NR3C1: variants seen among roughly 807,000 people sequenced by gnomAD.
NR3C1 encodes the protein glucocorticoid receptor.
In NR3C1, 14 loss-of-function variants were observed where a neutral mutation model predicts 74.0. The ratio of observed to expected loss-of-function variants is 0.19; its 90% CI spans 0.12 to 0.30. NR3C1 has a LOEUF of 0.30. NR3C1 is among the 10% of genes least tolerant of loss of function. The probability of loss-of-function intolerance (pLI) is 1.00; values close to 1 mark genes in which losing one functional copy is unlikely to be tolerated. For synonymous variants in NR3C1, 308 were observed against 332.5 expected (o/e 0.93, Z 0.80); for missense variants, 695 against 909.8 (o/e 0.76, Z 3.04).
chr5:143,307,637 A>G (rs921492214), intron 4 of NR3C1, among the ~76,000 whole-genome samples: 3 of 152,242 alleles, frequency 2.0e-5, no homozygotes, highest in Non-Finnish European at 4.4e-5. Context: ...GCTTCATTCA[A>G]AACCTATTTC....
At chr5:143,402,885 G>A in intron 1 of NR3C1, 2 of 964,044 alleles carry the variant, frequency 2.1e-6, no homozygotes, top group South Asian at 4.8e-5. Context: ...GGACACTAGG[G>A]GGAGAAAAGA....
intron 7 of NR3C1, among the ~76,000 whole-genome samples, chr5:143,284,252 G>T (rs908815734): frequency 6.6e-5 from 10 of 152,002 alleles, no homozygotes; most frequent in Non-Finnish European, 1.2e-4. Context: ...CAGCCGAGTA[G>T]TCTTATTTCT....
At chr5:143,421,984 A>G (rs1751256682) in intron 1 of NR3C1, among the ~76,000 whole-genome samples, 1 of 152,184 alleles carries the variant, frequency 6.6e-6, no homozygotes, top group Non-Finnish European at 1.5e-5. Flanking sequence ...GGGCCAAGGT[A>G]GGGAGTGGCT....
At chr5:143,299,800 T>C (rs1818122095) in intron 5 of NR3C1, among the ~76,000 whole-genome samples, 1 of 152,216 alleles carries the variant, frequency 6.6e-6, no homozygotes. Context: ...ATCAATGAGT[T>C]AAGCAAAACA....
intron 2 of NR3C1, among the ~76,000 whole-genome samples, chr5:143,331,189 A>G (rs1006680851): frequency 2.0e-5 from 3 of 152,190 alleles, no homozygotes; most frequent in Non-Finnish European, 4.4e-5. Flanking sequence ...CAACAAAAAC[A>G]AGTAATGGGG....
intron 2 of NR3C1, among the ~76,000 whole-genome samples, chr5:143,398,181 T>C (rs1173027283): frequency 1.3e-5 from 2 of 151,966 alleles, no homozygotes; most frequent in Non-Finnish European, 2.9e-5. Flanking sequence ...GCATGTCTTT[T>C]AGCATTTAAA....
intron 2 of NR3C1, among the ~76,000 whole-genome samples, chr5:143,395,012 G>A (rs1838932592): frequency 6.6e-6 from 1 of 151,950 alleles, no homozygotes; most frequent in Non-Finnish European, 1.5e-5. Flanking sequence ...AAAGCAACCT[G>A]TCACAATTAG....
At chr5:143,393,688 A>C (rs1838695345) in intron 2 of NR3C1, among the ~76,000 whole-genome samples, 1 of 152,142 alleles carries the variant, frequency 6.6e-6, no homozygotes, top group African/African-American at 2.4e-5. Flanking sequence ...TTTAGTGTTC[A>C]GCATGTGACA....
In NR3C1 at chr5:143,314,226, G is replaced by T. The variant is rs960242083; in HGVS notation, c.1185-58C>A. On this transcript the variant is annotated intron_variant, in intron 2 of 8. Transcript: ENST00000394464. ...ACTGTCAAAGGAATATCAAAATACA[G>T]TTCTCTTAGCTTCTCACTTCATAGT... 5 of 1,566,004 alleles carry T rather than the reference G, an allele frequency of 3.2e-6. No homozygotes were observed. In the South Asian group the frequency reaches 4.6e-5, roughly 14 times the overall value.
chr5:143,400,181 T>C lies in NR3C1; in HGVS notation c.659A>G (p.Asp220Gly). The C allele has an allele frequency of 6.2e-7, 1 of 1,613,952 alleles. No individual in the cohort carries two copies. The highest frequency in any genetic ancestry group is 1.1e-5 in the South Asian group (1 of 91,084). Reference sequence around the variant, plus strand: ...CAGAGGAGAAAGCAAACAGTTTTCATCTATCAACAGGTCTGATCTCCAAGG... The same window carrying C: ...CAGAGGAGAAAGCAAACAGTTTTCACCTATCAACAGGTCTGATCTCCAAGG... ...ESPWRSDLLI[D>G]ENCLLSPLAG... The change falls in exon 2 of 9, where the codon GAT becomes GGT. Residue 220 changes from aspartate (D) to glycine (G), a missense_variant. Transcript: ENST00000394464.
intron 4 of NR3C1, among the ~76,000 whole-genome samples, chr5:143,304,267 T>C (rs769163057): frequency 2.8e-4 from 43 of 152,116 alleles, no homozygotes; most frequent in Middle Eastern, 3.2e-3. Context: ...TATACACCAG[T>C]AATGTTCAAG....
At chr5:143,334,185 C>A (rs1407873642) in intron 2 of NR3C1, among the ~76,000 whole-genome samples, 4 of 152,018 alleles carry the variant, frequency 2.6e-5, no homozygotes, top group Non-Finnish European at 5.9e-5. Context: ...AGTTCGAGAC[C>A]AGCCTGACCA....
At chr5:143,333,541 G>A (rs1377347838) in intron 2 of NR3C1, among the ~76,000 whole-genome samples, 7 of 151,908 alleles carry the variant, frequency 4.6e-5, no homozygotes, top group African/African-American at 7.3e-5. Context: ...AGGCCAAGGC[G>A]GGCAGACCAT....
chr5:143,379,927 A>G lies in NR3C1; in HGVS notation c.1184+19729T>C, dbSNP rs141209910. On this transcript the variant is annotated intron_variant, in intron 2 of 8. Coordinates refer to ENST00000394464, the MANE Select transcript of NR3C1 (RefSeq NM_000176.3). ...TGTTATTTTAAAGCCACTAAATTTT[A>G]AAAGCAGTCAGCTCTAAACTGTTAA... Among the ~76,000 whole-genome samples the G allele has an allele frequency of 3.5e-4, 53 of 152,364 alleles. No homozygotes were observed. The East Asian group carries it at 7.3e-3, about 21-fold the overall frequency.
Position 143,417,359 on chromosome 5 carries a change from C to A in NR3C1, c.-13-16507G>T, listed in dbSNP as rs76870751. The stretch of plus-strand genomic sequence containing the variant: ...TTATACTTCTCTCTCTCATCAGTGG[C>A]AGGGGAATATGGAGTGGGATGTCAT... On this transcript the variant is annotated intron_variant, in intron 1 of 8. Transcript: ENST00000343796. 1.3e-3 allele frequency among the ~76,000 whole-genome samples: 196 copies of A among 152,142 alleles called. 3 individuals are homozygous for A. In the East Asian group the frequency reaches 0.03, roughly 23 times the overall value.
Position 143,399,659 on chromosome 5 carries a change from G to C in NR3C1, c.1181C>G (p.Ser394Ter). 6.2e-7 allele frequency: 1 copy of C among 1,604,698 alleles called. No homozygotes were observed. The highest frequency in any genetic ancestry group is 8.5e-7 in the Non-Finnish European group (1 of 1,171,428). Residue 394 changes from serine (S) to a stop codon, truncating the protein, a stop_gained, in exon 2 of 9, where the codon TCA becomes TGA. Coordinates refer to ENST00000394464, the MANE Select transcript of NR3C1 (RefSeq NM_000176.3). LOFTEE classifies it high-confidence loss of function. Reference protein sequence around the residue: ...PGRTVFSNGYSSPSMRPDVSS... With the variant: ...PGRTVFSNGY ...AACAGAAAAACACTGATCTTACCTT[G>C]AATAGCCATTAGAAAAAACTGTTCG...
chr5:143,416,161 C>G (rs1290408114), intron 1 of NR3C1, among the ~76,000 whole-genome samples: 3 of 152,154 alleles, frequency 2.0e-5, no homozygotes, highest in Non-Finnish European at 4.4e-5. Context: ...TTTTACTTGC[C>G]AAGTATCCCC....
upstream of NR3C1, chr5:143,404,382 C>G: frequency 1.0e-6 from 1 of 984,108 alleles, no homozygotes; most frequent in African/African-American, 1.8e-5. Context: ...GTACTTTGGG[C>G]CCGGGGGGAG....
chr5:143,282,845 T>C (rs1159985153), intron 7 of NR3C1, 120 bp from the exon 8 acceptor site: 1 of 1,080,152 alleles, frequency 9.3e-7, no homozygotes, highest in Non-Finnish European at 1.3e-6. Context: ...AGTGGCATAA[T>C]CATAGCTCAC....
Sources: gnomAD v4.1 joint callset for allele counts (sites outside exome capture counted in the v4.1 genomes callset) on GRCh38, gnomAD v4.1.1 for gene constraint, MANE v1.5 for transcripts, NCBI Gene and HGNC (gene_info 2026-07-23, HGNC 2026-07-21) for gene names.